Variants in CNTNAP4 observed in about 807,000 individuals in gnomAD.
The protein encoded by CNTNAP4 is contactin associated protein family member 4.
CNTNAP4 carries 98 observed loss-of-function variants against 148.4 expected under a neutral mutation model. The observed-to-expected ratio is 0.66, with a 90% CI of 0.56 to 0.78. The LOEUF (loss-of-function observed/expected upper bound fraction) is 0.78. CNTNAP4 is among the 30% of genes least tolerant of loss of function. The probability of loss-of-function intolerance (pLI) is 0.00; values close to 1 mark genes in which losing one functional copy is unlikely to be tolerated. For missense variants in CNTNAP4, 1,935 were observed against 1,565.6 expected, an observed-to-expected ratio of 1.24 and a Z score of -3.98; for synonymous variants, 730 against 565.1, an observed-to-expected ratio of 1.29 and a Z score of -4.14.
intron 3 of CNTNAP4, among the ~76,000 whole-genome samples, chr16:76,361,348 T>C (rs1423073178): frequency 6.6e-6 from 1 of 152,186 alleles, no homozygotes; most frequent in Non-Finnish European, 1.5e-5. Flanking sequence ...TCTGCCTCTA[T>C]AGATTTGACT....
At chr16:76,344,171 G>A (rs1964717608) in intron 2 of CNTNAP4, among the ~76,000 whole-genome samples, 1 of 151,960 alleles carries the variant, frequency 6.6e-6, no homozygotes, top group East Asian at 1.9e-4. Flanking sequence ...TATGTACACT[G>A]GGAACAGTGA....
At chr16:76,328,917 G>A (rs999796315) in intron 2 of CNTNAP4, among the ~76,000 whole-genome samples, 7 of 152,146 alleles carry the variant, frequency 4.6e-5, no homozygotes, top group African/African-American at 1.4e-4. Context: ...AGTGCTGGGC[G>A]TGAGCCACTG....
chr16:76,343,494 G>T (rs372394312), intron 2 of CNTNAP4, among the ~76,000 whole-genome samples: 1 of 151,986 alleles, frequency 6.6e-6, no homozygotes, highest in Non-Finnish European at 1.5e-5. Flanking sequence ...GGAAACATTC[G>T]CCTGCTTTTT....
chr16:76,371,895 A>C (rs2014865025), intron 3 of CNTNAP4, among the ~76,000 whole-genome samples: 2 of 152,160 alleles, frequency 1.3e-5, no homozygotes, highest in Admixed American at 1.3e-4. Context: ...GGGCTTTCCA[A>C]ACACAATCAA....
chr16:76,551,061 A>C (rs1210784377), intron 21 of CNTNAP4, among the ~76,000 whole-genome samples: 1 of 152,146 alleles, frequency 6.6e-6, no homozygotes, highest in Non-Finnish European at 1.5e-5. Context: ...CAGGATTTTT[A>C]TTATTACGTA....
At chr16:76,362,795 A>G (rs571412959) in intron 3 of CNTNAP4, among the ~76,000 whole-genome samples, 1 of 152,294 alleles carries the variant, frequency 6.6e-6, no homozygotes, top group African/African-American at 2.4e-5. Flanking sequence ...ACTACCTGTG[A>G]GGTACTATGC....
chr16:76,483,231 A>AACTTCACACAC (rs1167634774), intron 12 of CNTNAP4, among the ~76,000 whole-genome samples: 30 of 140,014 alleles, frequency 2.1e-4, no homozygotes, highest in African/African-American at 7.8e-4. Flanking sequence ...AGTTTTAAGA[A>AACTTCACACAC]ACACACACAC....
chr16:76,428,900 T>G (rs983367503), intron 4 of CNTNAP4, among the ~76,000 whole-genome samples: 1 of 152,118 alleles, frequency 6.6e-6, no homozygotes, highest in African/African-American at 2.4e-5. Context: ...GGGTAACTAC[T>G]CCATTTACCT....
At chr16:76,525,291 T>G (rs916404033) in intron 17 of CNTNAP4, among the ~76,000 whole-genome samples, 3 of 151,578 alleles carry the variant, frequency 2.0e-5, no homozygotes, top group Non-Finnish European at 4.4e-5. Flanking sequence ...AAAACTAATT[T>G]AAAAAATCAG....
rs140215222 is a variant in CNTNAP4, at chr16:76,533,071, G to T, written c.2756-2474G>T. Among the ~76,000 whole-genome samples, 553 of 152,114 alleles carry T rather than the reference G, an allele frequency of 3.6e-3. 2 individuals carry two copies. Among genetic ancestry groups the T allele is most frequent in the African/African-American group, 0.013 (532 of 41,512 alleles). On this transcript the variant is annotated intron_variant, in intron 17 of 23. Coordinates refer to ENST00000611870, the MANE Select transcript of CNTNAP4 (RefSeq NM_033401.5). ...TTGCAACACTATTGACAATAGCCAA[G>T]ATGTGGAATCAACCCAGTTGTCCAA...
chr16:76,321,296 C>G (rs9924196), intron 2 of CNTNAP4, among the ~76,000 whole-genome samples: 11,439 of 152,174 alleles, frequency 0.075, 1,456 homozygotes, highest in African/African-American at 0.26. Flanking sequence ...TTATAGCAAT[C>G]TATATAGCGT....
intron 15 of CNTNAP4, among the ~76,000 whole-genome samples, chr16:76,516,604 C>T (rs6564347): frequency 0.4 from 61,408 of 152,136 alleles, 12,742 homozygotes; most frequent in African/African-American, 0.51. Flanking sequence ...AATATTTGTA[C>T]ACAGATGTTG....
In CNTNAP4 at chr16:76,307,503, CATATATAT is replaced by C. The variant is rs6145898; in HGVS notation, c.86-8880_86-8873del. Among the ~76,000 whole-genome samples, 213 of 91,720 alleles carry C rather than the reference CATATATAT, an allele frequency of 2.3e-3. 5 individuals are homozygous for C. The highest frequency in any genetic ancestry group is 0.01 in the South Asian group (25 of 2,386). The allele number at this position is 91,720 out of a possible 152,430, so 60.2% of individuals were successfully genotyped here. ...TTCTCCTAGATATCTATTTTAAATG[CATATATAT>C]ATATATATATATATATATATATATA... is the stretch of plus-strand genomic sequence containing the variant. On this transcript the variant is annotated intron_variant, in intron 1 of 23. Transcript: ENST00000611870.
At position 76,388,667 on chromosome 16, in the gene CNTNAP4, A is replaced by G. The variant is rs997514175; in HGVS notation, c.390+33156A>G. Among the ~76,000 whole-genome samples the G allele has an allele frequency of 8.5e-5, 13 of 152,370 alleles. No homozygotes were observed. In the East Asian group the frequency reaches 2.3e-3, roughly 27 times the overall value. On this transcript the variant is annotated intron_variant, in intron 3 of 23. Transcript: ENST00000611870. ...TAATTCCTGTTATAAACACATATAC[A>G]TCTATTGATTTATTGCCTGTCTATG...
Position 76,355,454 on chromosome 16 carries a change from G to A in CNTNAP4, c.333G>A (p.Leu111=), listed in dbSNP as rs964702992. The A allele has an allele frequency of 4.3e-6, 7 of 1,613,056 alleles. No homozygotes were observed. Among genetic ancestry groups the A allele is most frequent in the Non-Finnish European group, 5.9e-6 (7 of 1,179,474 alleles). Reference sequence around the variant, plus strand: ...CCAACTGGGTGACCAGCTACCTCCTGATGTTCAGTGATAGTGGCTGGAACT... The same window carrying A: ...CCAACTGGGTGACCAGCTACCTCCTAATGTTCAGTGATAGTGGCTGGAACT... ...GSSNWVTSYL[L]MFSDSGWNWK... Residue 111 remains leucine (L), a synonymous_variant, in exon 3 of 24, where the codon CTG becomes CTA. Coordinates refer to ENST00000611870, the MANE Select transcript of CNTNAP4 (RefSeq NM_033401.5).
chr16:76,346,451 AG>A lies in CNTNAP4; in HGVS notation c.197-8866del, dbSNP rs1457584483. On this transcript the variant is annotated intron_variant, in intron 2 of 23. Transcript: ENST00000611870. ...GGAAGATAAAAAAAAAAAAAAAAAA[AG>A]AAGGTAGAGAAGCAAAAAATGGTTT... Among the ~76,000 whole-genome samples, 31 of 147,982 alleles carry A rather than the reference AG, an allele frequency of 2.1e-4. No homozygotes were observed. The East Asian group carries it at 6.0e-3, about 29-fold the overall frequency.
chr16:76,560,651 C>T lies in CNTNAP4; in HGVS notation c.*1968C>T, dbSNP rs1020465087. 1.3e-5 allele frequency among the ~76,000 whole-genome samples: 2 copies of T among 152,134 alleles called. No individual in the cohort carries two copies. The highest frequency in any genetic ancestry group is 2.9e-5 in the Non-Finnish European group (2 of 68,032). On this transcript the variant is annotated 3_prime_UTR_variant, in exon 24 of 24. Coordinates refer to ENST00000611870, the MANE Select transcript of CNTNAP4 (RefSeq NM_033401.5). ...TCTGTGGTCTGCACTGCTAGAGACT[C>T]AACATTATGGCATGGAAATGCATTG... is the stretch of plus-strand genomic sequence containing the variant.
At chr16:76,354,343 G>A (rs946288664) in intron 2 of CNTNAP4, among the ~76,000 whole-genome samples, 11 of 152,198 alleles carry the variant, frequency 7.2e-5, no homozygotes, top group African/African-American at 2.7e-4. Context: ...ATTTTGGTGT[G>A]TGTTGGATCA....
intron 3 of CNTNAP4, among the ~76,000 whole-genome samples, chr16:76,396,237 A>G (rs915542075): frequency 6.6e-6 from 1 of 152,172 alleles, no homozygotes; most frequent in African/African-American, 2.4e-5. Flanking sequence ...GTGCATATTC[A>G]TTTGCCATTT....
Sources: gnomAD v4.1 joint callset for allele counts (sites outside exome capture counted in the v4.1 genomes callset) on GRCh38, gnomAD v4.1.1 for gene constraint, MANE v1.5 for transcripts, NCBI Gene and HGNC (gene_info 2026-07-23, HGNC 2026-07-21) for gene names.